The following KLHL13 variants were observed in gnomAD, a reference collection of about 807,000 sequenced individuals.
KLHL13 encodes the protein kelch-like protein 13.
In KLHL13, 10 loss-of-function variants were observed where a neutral mutation model predicts 37.1. That is an observed-to-expected ratio of 0.27 (90% CI 0.17 to 0.46). The LOEUF (loss-of-function observed/expected upper bound fraction) is 0.46, where lower values mean the gene tolerates loss of function less well. Ranked by LOEUF, KLHL13 falls within the 20% of genes least tolerant of loss-of-function variation. The pLI, the probability that KLHL13 is intolerant of heterozygous loss-of-function variation, is 1.00. For synonymous variants in KLHL13, 163 were observed against 181.2 expected (o/e 0.90, Z 0.81); for missense variants, 360 against 509.3 (o/e 0.71, Z 2.82).
At chrX:117,994,568 T>G (rs1003983766) in intron 1 of KLHL13, among the ~76,000 whole-genome samples, 1 of 111,990 alleles carries the variant, frequency 8.9e-6, no homozygotes, top group African/African-American at 3.2e-5. Flanking sequence ...TCTAGCATTT[T>G]CTGAAATGGT....
intron 2 of KLHL13, among the ~76,000 whole-genome samples, chrX:117,921,422 G>A (rs1022326560): frequency 9.0e-6 from 1 of 111,234 alleles, no homozygotes; most frequent in African/African-American, 3.3e-5. Flanking sequence ...GATTGTAACA[G>A]GCTACTAAAG....
chrX:117,910,827 T>C lies in KLHL13; in HGVS notation c.571-731A>G, dbSNP rs780333384. The stretch of plus-strand genomic sequence containing the variant: ...ACTGCTTCCATCTGGGCAACACAGC[T>C]TTCCTTAGCCACTCTTACTTTCAGC... On this transcript the variant is annotated intron_variant, in intron 4 of 6. Coordinates refer to ENST00000262820, the Ensembl canonical transcript of KLHL13. Among the ~76,000 whole-genome samples the C allele has an allele frequency of 2.7e-5, 3 of 111,392 alleles. No homozygotes were observed. In the East Asian group the frequency reaches 8.5e-4, roughly 32 times the overall value.
At chrX:117,966,312 G>T (rs1458738447) in intron 1 of KLHL13, among the ~76,000 whole-genome samples, 1 of 111,336 alleles carries the variant, frequency 9.0e-6, no homozygotes, top group Non-Finnish European at 1.9e-5. Flanking sequence ...ATTCACAATT[G>T]CTTCAAAGAG....
chrX:117,971,079 ATGTTG>A (rs771267126), intron 1 of KLHL13, among the ~76,000 whole-genome samples: 2 of 111,618 alleles, frequency 1.8e-5, no homozygotes, highest in South Asian at 3.7e-4. Context: ...TTAATTTAAA[ATGTTG>A]TGTTGAGTTG....
At chrX:118,032,146 C>T (rs961472251) in intron 1 of KLHL13, among the ~76,000 whole-genome samples, 86 of 111,254 alleles carry the variant, frequency 7.7e-4, no homozygotes, top group African/African-American at 2.3e-3. Context: ...AACAACAAGG[C>T]GGCAGCGAGG....
At chrX:117,962,962 G>C (rs1342325110) in intron 1 of KLHL13, among the ~76,000 whole-genome samples, 1 of 111,969 alleles carries the variant, frequency 8.9e-6, no homozygotes, top group African/African-American at 3.2e-5. Flanking sequence ...TTCTATAATA[G>C]AGGAAAATAA....
At chrX:117,992,042 T>C (rs1251396843) in intron 1 of KLHL13, among the ~76,000 whole-genome samples, 1 of 109,901 alleles carries the variant, frequency 9.1e-6, no homozygotes, top group Middle Eastern at 4.6e-3. Context: ...TATTCACACA[T>C]TGGCATGAAT....
At chrX:118,021,725 T>C (rs2054216928) in intron 1 of KLHL13, among the ~76,000 whole-genome samples, 1 of 111,066 alleles carries the variant, frequency 9.0e-6, no homozygotes, top group East Asian at 2.8e-4. Flanking sequence ...TATAGCAGCA[T>C]GATTTATAAT....
chrX:118,075,904 G>A (rs1209002744), intron 1 of KLHL13, among the ~76,000 whole-genome samples: 1 of 111,487 alleles, frequency 9.0e-6, no homozygotes, highest in Non-Finnish European at 1.9e-5. Context: ...CTATTTCTGT[G>A]TCATAAGATA....
chrX:117,959,941 C>A (rs2053264345), intron 1 of KLHL13, among the ~76,000 whole-genome samples: 1 of 111,587 alleles, frequency 9.0e-6, no homozygotes, highest in South Asian at 3.8e-4. Flanking sequence ...ACAGAGGGAT[C>A]GCATAAGCAC....
chrX:118,111,127 T>A (rs1258958494), intron 1 of KLHL13, among the ~76,000 whole-genome samples: 1 of 112,801 alleles, frequency 8.9e-6, no homozygotes, highest in Non-Finnish European at 1.9e-5. Context: ...AAGGCCCTGA[T>A]TTAAGCAGTT....
At chrX:117,926,542 C>T (rs1932029090) in intron 2 of KLHL13, among the ~76,000 whole-genome samples, 1 of 111,523 alleles carries the variant, frequency 9.0e-6, no homozygotes, top group African/African-American at 3.3e-5. Context: ...TGAGTGGAAA[C>T]CTTACAAGGC....
intron 6 of KLHL13, among the ~76,000 whole-genome samples, chrX:117,901,166 T>G (rs1237189766): frequency 1.8e-5 from 2 of 111,626 alleles, no homozygotes; most frequent in African/African-American, 3.3e-5. Context: ...GAATGAACAT[T>G]ATTATGTACT....
intron 1 of KLHL13, among the ~76,000 whole-genome samples, chrX:117,963,829 C>T (rs2053353811): frequency 9.4e-6 from 1 of 106,946 alleles, no homozygotes; most frequent in African/African-American, 3.4e-5. Flanking sequence ...TGATGATGAG[C>T]ATTACATATA....
rs376197480 is a variant in KLHL13 at position 118,046,262 on chromosome X, T to C, written c.-56+70246A>G. On this transcript the variant is annotated intron_variant, in intron 1 of 6. Transcript: ENST00000371882. Reference sequence around the variant, plus strand: ...ACAACATGGATGGAACTGGAGGACATTGTGTTAAGTGAAATAAGCCAGGCA... The same window carrying C: ...ACAACATGGATGGAACTGGAGGACACTGTGTTAAGTGAAATAAGCCAGGCA... Among the ~76,000 whole-genome samples the C allele has an allele frequency of 8.2e-4, 92 of 112,037 alleles. No homozygotes were observed. The East Asian group carries it at 8.7e-3, about 11-fold the overall frequency.
intron 2 of KLHL13, among the ~76,000 whole-genome samples, chrX:117,935,726 A>G (rs1253585695): frequency 1.8e-5 from 2 of 111,199 alleles, no homozygotes; most frequent in Non-Finnish European, 3.8e-5. Flanking sequence ...ATCCACCCTC[A>G]TGATCCAATT....
At position 118,027,012 on chromosome X, in the gene KLHL13, T is replaced by C. The variant is rs180958204; in HGVS notation, c.-55-81437A>G. On this transcript the variant is annotated intron_variant, in intron 1 of 6. Transcript: ENST00000371882. ...AATCAAAGCAATGGCTAGGAAAAGG[T>C]AGAAGTAACCCAGTCAAAACAAAAG... Among the ~76,000 whole-genome samples, 4 of 111,610 alleles carry C rather than the reference T, an allele frequency of 3.6e-5. No individual in the cohort carries two copies. In the East Asian group the frequency reaches 1.1e-3, roughly 32 times the overall value.
rs1388810824 is a variant in KLHL13, at chrX:117,956,709, G to A, written c.99-11134C>T. Among the ~76,000 whole-genome samples the A allele has an allele frequency of 2.7e-5, 3 of 111,018 alleles. No individual in the cohort carries two copies. In the Admixed American group the frequency reaches 2.9e-4, roughly 11 times the overall value. ...TTCTGACTCTCAGTGTAGATGAGAA[G>A]CAGACAAAAGGGGAGAAGAGTCACC... is the stretch of plus-strand genomic sequence containing the variant. On this transcript the variant is annotated intron_variant, in intron 1 of 6. Transcript: ENST00000262820.
chrX:117,976,023 G>T (rs1457173919), upstream of KLHL13, among the ~76,000 whole-genome samples: 1 of 111,242 alleles, frequency 9.0e-6, no homozygotes, highest in East Asian at 2.8e-4. Flanking sequence ...AATCTTCCAG[G>T]TCAATTTTTC....
Sources: gnomAD v4.1 joint callset for allele counts (sites outside exome capture counted in the v4.1 genomes callset) on GRCh38, gnomAD v4.1.1 for gene constraint, MANE v1.5 for transcripts, NCBI Gene and HGNC (gene_info 2026-07-23, HGNC 2026-07-21) for gene names.